Variants in ITFG2 observed in about 807,000 individuals in gnomAD.
The protein encoded by ITFG2 is integrin alpha FG-GAP repeat containing 2, also known as KICSTOR complex protein ITFG2.
ITFG2 carries 36 observed loss-of-function variants against 54.4 expected under a neutral mutation model. The ratio of observed to expected loss-of-function variants is 0.66; its 90% CI spans 0.51 to 0.87. The LOEUF is 0.87. Ranked by LOEUF, ITFG2 falls within the 40% of genes least tolerant of loss-of-function variation. The pLI is 0.00. For missense variants in ITFG2, 524 were observed against 576.7 expected, an observed-to-expected ratio of 0.91 and a Z score of 0.94; for synonymous variants, 211 against 225.4, an observed-to-expected ratio of 0.94 and a Z score of 0.57.
intron 2 of ITFG2, among the ~76,000 whole-genome samples, chr12:2,852,597 T>G (rs1251996818): frequency 6.6e-6 from 1 of 152,128 alleles, no homozygotes; most frequent in Non-Finnish European, 1.5e-5. Flanking sequence ...TGAACTGGCC[T>G]CAAGCGATCC....
intron 2 of ITFG2, chr12:2,855,358 C>A (rs1211407022): frequency 4.0e-5 from 61 of 1,531,934 alleles, no homozygotes; most frequent in Admixed American, 5.9e-5. Context: ...CCGGGTGAAG[C>A]CAGGGAACTC....
At chr12:2,842,853 C>G (rs575648497) in intron 2 of ITFG2, among the ~76,000 whole-genome samples, 1 of 152,278 alleles carries the variant, frequency 6.6e-6, no homozygotes, top group African/African-American at 2.4e-5. Context: ...TCAATTCTCT[C>G]AGGAAGTTCT....
chr12:2,821,916 T>TA, intron 9 of ITFG2, 124 bp downstream of exon 9: 1 of 641,082 alleles, frequency 1.6e-6, no homozygotes, highest in Non-Finnish European at 2.6e-6. Flanking sequence ...AGTCTCTGTC[T>TA]CTTTTTTTTT....
chr12:2,820,521 T>C (rs2097939968), intron 5 of ITFG2, among the ~76,000 whole-genome samples: 1 of 152,072 alleles, frequency 6.6e-6, no homozygotes, highest in South Asian at 2.1e-4. Context: ...ATGTGGTCTG[T>C]GTGGAGAGGA....
chr12:2,859,409 T>C lies in ITFG2; in HGVS notation n.621-125T>C, dbSNP rs760608177. 3.1e-6 allele frequency: 5 copies of C among 1,613,832 alleles called. No individual in the cohort carries two copies. The Admixed American group carries it at 5.0e-5, about 16-fold the overall frequency. The stretch of plus-strand genomic sequence containing the variant: ...ACTTCTTGGGTCTTGGGGTGGGAGA[T>C]TGGGACGAATCCTCCCAGGAGTGAG... On this transcript the variant is annotated intron_variant and non_coding_transcript_variant, in intron 3 of 3. Transcript: ENST00000537710.
At chr12:2,855,122 G>T (rs992982181) in intron 2 of ITFG2, 3 of 1,533,020 alleles carry the variant, frequency 2.0e-6, no homozygotes, top group South Asian at 1.2e-5. Context: ...TCCGTGGGGG[G>T]GCATCTGTGG....
At position 2,852,342 on chromosome 12, in the gene ITFG2, C is replaced by T. The variant is rs183694051; in HGVS notation, n.301-5670C>T. Among the ~76,000 whole-genome samples, 33 of 152,226 alleles carry T rather than the reference C, an allele frequency of 2.2e-4. 1 individual carries two copies. Among genetic ancestry groups the T allele is most frequent in the African/African-American group, 7.9e-4 (33 of 41,564 alleles). On this transcript the variant is annotated intron_variant and non_coding_transcript_variant, in intron 2 of 3. Coordinates refer to the ITFG2 transcript ENST00000537710. The stretch of plus-strand genomic sequence containing the variant: ...GGCCCTGTGCCATTTGACCCTCTAA[C>T]CACCTTAACCACCTGCTGTGGGAAC...
downstream of ITFG2, among the ~76,000 whole-genome samples, chr12:2,828,657 T>C (rs1165678231): frequency 6.6e-6 from 1 of 151,210 alleles, no homozygotes; most frequent in African/African-American, 2.4e-5. Flanking sequence ...CTGACCAGGG[T>C]TTAGTAGAAA....
intron 10 of ITFG2, among the ~76,000 whole-genome samples, chr12:2,823,515 T>A (rs2097952835): frequency 6.6e-6 from 1 of 152,204 alleles, no homozygotes; most frequent in South Asian, 2.1e-4. Flanking sequence ...GGAAAAGCAA[T>A]AAATAGCACC....
intron 4 of ITFG2, chr12:2,818,518 C>G: frequency 1.6e-6 from 1 of 639,346 alleles, no homozygotes; most frequent in Non-Finnish European, 2.5e-6. Flanking sequence ...ACAATATAGG[C>G]TAGGTGTGCT....
In ITFG2 at chr12:2,824,286, A is replaced by G. The variant is rs895273930; in HGVS notation, c.*93A>G. On this transcript the variant is annotated 3_prime_UTR_variant, in exon 12 of 12. Coordinates refer to ENST00000228799, the MANE Select transcript of ITFG2 (RefSeq NM_018463.4). Reference sequence around the variant, plus strand: ...GGTATTGGCAGGATAGGGAATATGCATTACAGAAATGCAGGATTTGACTCT... The same window carrying G: ...GGTATTGGCAGGATAGGGAATATGCGTTACAGAAATGCAGGATTTGACTCT... 1 of 1,280,120 alleles carries G rather than the reference A, an allele frequency of 7.8e-7. No individual in the cohort carries two copies. Among genetic ancestry groups the G allele is most frequent in the Non-Finnish European group, 1.1e-6 (1 of 886,608 alleles). 79.3% of individuals were successfully genotyped at this position (1,280,120 alleles called of 1,614,324 possible).
downstream of ITFG2, chr12:2,828,009 A>G (rs746598579): frequency 6.2e-6 from 10 of 1,614,180 alleles, no homozygotes; most frequent in Admixed American, 3.3e-5. Flanking sequence ...CCCAGGGGCC[A>G]GGTCCCCAGC....
upstream of ITFG2, among the ~76,000 whole-genome samples, chr12:2,833,823 A>G (rs545512004): frequency 4.6e-5 from 7 of 152,336 alleles, no homozygotes; most frequent in East Asian, 1.9e-4. Context: ...CAACAATCCT[A>G]TGATTGATTT....
In ITFG2 at chr12:2,824,827, T is replaced by G. The variant is rs911933001; in HGVS notation, c.*634T>G. On this transcript the variant is annotated 3_prime_UTR_variant, in exon 12 of 12. Coordinates refer to ENST00000228799, the MANE Select transcript of ITFG2 (RefSeq NM_018463.4). ...GCTTCAGAAGCCCTGCTCCCATTTT[T>G]CCACCCACCCATTCCCCCATAAAAC... 6.5e-6 allele frequency: 1 copy of G among 153,382 alleles called. No individual in the cohort carries two copies. The highest frequency in any genetic ancestry group is 1.5e-5 in the Non-Finnish European group (1 of 68,924). The allele number at this position is 153,382 out of a possible 1,614,324, so 9.5% of individuals were successfully genotyped here. A position where few individuals can be genotyped will look rare whatever the true frequency, so the allele number is the denominator to read the frequency against.
downstream of ITFG2, chr12:2,828,241 G>A (rs2097979812): frequency 1.6e-6 from 2 of 1,234,654 alleles, no homozygotes; most frequent in Non-Finnish European, 2.4e-6. Flanking sequence ...GATAAAATAT[G>A]CAACTGTCGT....
chr12:2,817,964 G>A lies in ITFG2; in HGVS notation c.234+14G>A. ...AATAAAGGAAAGGTAAGAACTATAG[G>A]GGACCTTCCTTGGTTCTTAGCTCAC... is the stretch of plus-strand genomic sequence containing the variant. On this transcript the variant is annotated intron_variant, in intron 3 of 11. Transcript: ENST00000228799. 4.3e-6 allele frequency: 7 copies of A among 1,613,308 alleles called. No individual in the cohort carries two copies. The highest frequency in any genetic ancestry group is 5.9e-6 in the Non-Finnish European group (7 of 1,179,582).
rs1207024061 is a variant in ITFG2, at chr12:2,821,368, G to A, written c.793+9G>A. On this transcript the variant is annotated intron_variant, in intron 7 of 11. Coordinates refer to ENST00000228799, the MANE Select transcript of ITFG2 (RefSeq NM_018463.4). The stretch of plus-strand genomic sequence containing the variant: ...TGGCAACATCAAACAAGGTGAAAGT[G>A]TGGTGGGTGTGAGGGAGGGAGATGA... 1 of 1,597,490 alleles carries A rather than the reference G, an allele frequency of 6.3e-7. No homozygotes were observed.
At chr12:2,849,485 C>T in intron 2 of ITFG2, 1 of 1,536,070 alleles carries the variant, frequency 6.5e-7, no homozygotes, top group Non-Finnish European at 8.7e-7. Flanking sequence ...AGCTGGAGGC[C>T]CTGGGGTTCA....
chr12:2,847,571 G>A (rs774823448), intron 2 of ITFG2, among the ~76,000 whole-genome samples: 32 of 151,716 alleles, frequency 2.1e-4, no homozygotes, highest in Non-Finnish European at 3.5e-4. Context: ...GGAGGCTGAG[G>A]CAGGAGAATT....
Sources: allele counts gnomAD v4.1 joint callset (sites outside exome capture counted in the v4.1 genomes callset), GRCh38; gene constraint gnomAD v4.1.1; transcripts MANE v1.5; gene names NCBI Gene and HGNC (gene_info 2026-07-23, HGNC 2026-07-21).